The following SLC8A1 variants were observed in gnomAD, a reference collection of about 807,000 sequenced individuals.
SLC8A1 encodes sodium/calcium exchanger 1.
Under a neutral mutation model 68.3 loss-of-function variants are expected in SLC8A1, and 18 were observed. The observed-to-expected ratio is 0.26, with a 90% confidence interval of 0.18 to 0.39. The LOEUF (loss-of-function observed/expected upper bound fraction) is 0.39, where lower values mean the gene tolerates loss of function less well. Ranked by LOEUF, SLC8A1 falls within the 10% of genes least tolerant of loss-of-function variation. The pLI, the probability that SLC8A1 is intolerant of heterozygous loss-of-function variation, is 1.00. For synonymous variants in SLC8A1, 475 were observed against 415.5 expected, an observed-to-expected ratio of 1.14 and a Z score of -1.74; for missense variants, 985 against 1,156.7, an observed-to-expected ratio of 0.85 and a Z score of 2.15.
intron 1 of SLC8A1, among the ~76,000 whole-genome samples, chr2:40,491,956 C>G (rs533055667): frequency 6.6e-6 from 1 of 152,236 alleles, no homozygotes; most frequent in South Asian, 2.1e-4. Context: ...CCCCATCAAG[C>G]TACCAATGAC....
At chr2:40,375,367 T>A (rs1679477497) in intron 2 of SLC8A1, among the ~76,000 whole-genome samples, 1 of 152,142 alleles carries the variant, frequency 6.6e-6, no homozygotes, top group Non-Finnish European at 1.5e-5. Context: ...TAGGGAATTT[T>A]AAGCCAGTGG....
intron 4 of SLC8A1, among the ~76,000 whole-genome samples, chr2:40,173,057 C>T (rs1294567540): frequency 6.6e-6 from 1 of 152,146 alleles, no homozygotes; most frequent in African/African-American, 2.4e-5. Flanking sequence ...GTTAGGGTCT[C>T]TTTATCAGAT....
chr2:40,382,319 C>G (rs1449991355), intron 2 of SLC8A1, among the ~76,000 whole-genome samples: 1 of 152,090 alleles, frequency 6.6e-6, no homozygotes, highest in Non-Finnish European at 1.5e-5. Context: ...TTCTCTGTAG[C>G]ACAGTGAGTA....
intron 1 of SLC8A1, among the ~76,000 whole-genome samples, chr2:40,432,526 G>C (rs1021072069): frequency 6.7e-6 from 1 of 149,794 alleles, no homozygotes; most frequent in Admixed American, 6.7e-5. Context: ...TGAAGGACAC[G>C]AAAGATCAAG....
At chr2:40,490,383 C>A (rs1705235066) in intron 1 of SLC8A1, among the ~76,000 whole-genome samples, 1 of 152,036 alleles carries the variant, frequency 6.6e-6, no homozygotes, top group Non-Finnish European at 1.5e-5. Flanking sequence ...ATCACTTAGT[C>A]CTCATTTCAC....
At chr2:40,166,345 A>G (rs2046557123) in intron 4 of SLC8A1, among the ~76,000 whole-genome samples, 1 of 152,180 alleles carries the variant, frequency 6.6e-6, no homozygotes. Flanking sequence ...AAACCAACAA[A>G]AGGCAAAAGC....
chr2:40,443,467 C>G (rs182312217), intron 1 of SLC8A1, among the ~76,000 whole-genome samples: 43 of 152,260 alleles, frequency 2.8e-4, no homozygotes, highest in Admixed American at 2.2e-3. Flanking sequence ...CTTAGGTGGA[C>G]ACTTTTGTAA....
intron 2 of SLC8A1, among the ~76,000 whole-genome samples, chr2:40,378,834 G>C (rs1680793109): frequency 6.6e-6 from 1 of 152,024 alleles, no homozygotes. Flanking sequence ...TCATTTTGCT[G>C]AGGTTGAGCT....
In SLC8A1 at chr2:40,141,138, T is replaced by C. The variant is rs527252734; in HGVS notation, c.2162-1462A>G. Among the ~76,000 whole-genome samples the C allele has an allele frequency of 9.2e-5, 14 of 152,290 alleles. No individual in the cohort carries two copies. The South Asian group carries it at 2.1e-3, about 23-fold the overall frequency. ...GTGCTACTTTACTTGGTCCCACTAG[T>C]GCAGCCGGCAGTAGGTGGGGCTGCA... is the stretch of plus-strand genomic sequence containing the variant. On this transcript the variant is annotated intron_variant, in intron 6 of 7. Transcript: ENST00000406785.
chr2:40,132,192 T>C lies in SLC8A1; in HGVS notation c.2437+7209A>G, dbSNP rs142341478. Reference sequence around the variant, plus strand: ...ATATGGAAAAGAGCATATGCAATACTTTAAAAATAAGTCCAAGATGGCACG... The same window carrying C: ...ATATGGAAAAGAGCATATGCAATACCTTAAAAATAAGTCCAAGATGGCACG... On this transcript the variant is annotated intron_variant, in intron 7 of 7. Coordinates refer to ENST00000406785, the Ensembl canonical transcript of SLC8A1. Among the ~76,000 whole-genome samples the C allele has an allele frequency of 3.4e-3, 517 of 152,218 alleles. 1 individual carries two copies. The highest frequency in any genetic ancestry group is 5.0e-3 in the Non-Finnish European group (342 of 68,016).
At chr2:40,157,667 G>A (rs1175773573) in intron 6 of SLC8A1, among the ~76,000 whole-genome samples, 5 of 152,110 alleles carry the variant, frequency 3.3e-5, no homozygotes, top group South Asian at 2.1e-4. Context: ...AACTGGACAG[G>A]GAATGCTGGC....
chr2:40,245,818 T>A (rs1353921424), intron 2 of SLC8A1, among the ~76,000 whole-genome samples: 1 of 152,188 alleles, frequency 6.6e-6, no homozygotes, highest in East Asian at 1.9e-4. Flanking sequence ...TACAATTAAA[T>A]CTCGTAGAAT....
intron 2 of SLC8A1, among the ~76,000 whole-genome samples, chr2:40,349,448 T>C (rs1239785801): frequency 6.6e-6 from 1 of 152,230 alleles, no homozygotes; most frequent in Non-Finnish European, 1.5e-5. Context: ...AAAGACTTTC[T>C]AGTTACCAGT....
chr2:40,225,854 C>A (rs1434593825), intron 2 of SLC8A1, among the ~76,000 whole-genome samples: 1 of 152,074 alleles, frequency 6.6e-6, no homozygotes, highest in Non-Finnish European at 1.5e-5. Context: ...TTGTGAGCTG[C>A]CAGACACAGA....
intron 2 of SLC8A1, among the ~76,000 whole-genome samples, chr2:40,309,361 G>A (rs1045938553): frequency 6.6e-6 from 1 of 152,100 alleles, no homozygotes; most frequent in African/African-American, 2.4e-5. Flanking sequence ...TTCAGGCTTT[G>A]GAAGGCGCAC....
At chr2:40,435,680 A>G (rs1288311029) in intron 1 of SLC8A1, among the ~76,000 whole-genome samples, 2 of 152,202 alleles carry the variant, frequency 1.3e-5, no homozygotes, top group African/African-American at 4.8e-5. Context: ...AAGGAAAGAT[A>G]GACTTAGGAT....
chr2:40,372,644 T>G (rs1055780136), intron 2 of SLC8A1, among the ~76,000 whole-genome samples: 2 of 152,176 alleles, frequency 1.3e-5, no homozygotes, highest in African/African-American at 4.8e-5. Flanking sequence ...GACTGTTTCT[T>G]GAAAGTATTC....
At chr2:40,299,490 G>A (rs1414160900) in intron 2 of SLC8A1, among the ~76,000 whole-genome samples, 1 of 152,160 alleles carries the variant, frequency 6.6e-6, no homozygotes, top group Non-Finnish European at 1.5e-5. Context: ...AGCCCTGGAA[G>A]ATCTGTTCTG....
intron 2 of SLC8A1, among the ~76,000 whole-genome samples, chr2:40,425,729 T>A (rs1045400797): frequency 6.6e-6 from 1 of 151,832 alleles, no homozygotes; most frequent in Admixed American, 6.6e-5. Context: ...TCTGACTCCA[T>A]TGCACGATGA....
Sources: gnomAD v4.1 joint callset for allele counts (sites outside exome capture counted in the v4.1 genomes callset) on GRCh38, gnomAD v4.1.1 for gene constraint, MANE v1.5 for transcripts, NCBI Gene and HGNC (gene_info 2026-07-23, HGNC 2026-07-21) for gene names.